The following LRRTM3 variants were observed in gnomAD, a reference collection of about 807,000 sequenced individuals.
The protein encoded by LRRTM3 is leucine-rich repeat transmembrane neuronal protein 3.
LRRTM3 carries 24 observed loss-of-function variants against 44.7 expected under a neutral mutation model. That is an observed-to-expected ratio of 0.54 (90% CI 0.39 to 0.76). The LOEUF is 0.76. LRRTM3 is among the 30% of genes least tolerant of loss of function. The pLI is 0.00. For synonymous variants in LRRTM3, 277 were observed against 278.7 expected, an observed-to-expected ratio of 0.99 and a Z score of 0.06; for missense variants, 587 against 702.2, an observed-to-expected ratio of 0.84 and a Z score of 1.85.
chr10:66,955,132 T>C (rs1431278831), intron 2 of LRRTM3, among the ~76,000 whole-genome samples: 1 of 152,158 alleles, frequency 6.6e-6, no homozygotes, highest in Non-Finnish European at 1.5e-5. Context: ...CAGAAACTTT[T>C]CCTAGGTGCC....
chr10:67,040,888 A>G (rs1036370987), intron 2 of LRRTM3, among the ~76,000 whole-genome samples: 7 of 152,172 alleles, frequency 4.6e-5, no homozygotes, highest in Non-Finnish European at 8.8e-5. Flanking sequence ...CCAAAGAGAC[A>G]AAGATAAAAA....
At chr10:66,977,532 C>A (rs1850119748) in intron 2 of LRRTM3, among the ~76,000 whole-genome samples, 1 of 152,124 alleles carries the variant, frequency 6.6e-6, no homozygotes, top group South Asian at 2.1e-4. Flanking sequence ...CTGTTAAGAG[C>A]TCACAGAAGG....
At chr10:66,973,825 T>C (rs1399504922) in intron 2 of LRRTM3, among the ~76,000 whole-genome samples, 1 of 152,146 alleles carries the variant, frequency 6.6e-6, no homozygotes, top group South Asian at 2.1e-4. Context: ...GGTTTCACCA[T>C]GTTGGCCAGG....
At chr10:66,957,995 G>A (rs1848911012) in intron 2 of LRRTM3, among the ~76,000 whole-genome samples, 3 of 151,996 alleles carry the variant, frequency 2.0e-5, no homozygotes, top group Non-Finnish European at 4.4e-5. Flanking sequence ...GTGGCCTGGA[G>A]CAGGGTACAG....
chr10:67,017,625 T>C (rs141801908), intron 2 of LRRTM3, among the ~76,000 whole-genome samples: 12 of 152,330 alleles, frequency 7.9e-5, no homozygotes, highest in African/African-American at 2.9e-4. Context: ...GCCATAGTTC[T>C]AATGTTTGGA....
chr10:67,100,607 C>T lies in LRRTM3; in HGVS notation c.*2811C>T, dbSNP rs915463633. Among the ~76,000 whole-genome samples the T allele has an allele frequency of 6.6e-6, 1 of 151,584 alleles. No individual in the cohort carries two copies. Among genetic ancestry groups the T allele is most frequent in the Non-Finnish European group, 1.5e-5 (1 of 67,784 alleles). On this transcript the variant is annotated 3_prime_UTR_variant, in exon 3 of 3. Transcript: ENST00000361320. ...GTCTCCCTTCCTGTCTATTCCTCAC[C>T]GATTTAAACAACTGAAATGTTTACT...
intron 2 of LRRTM3, among the ~76,000 whole-genome samples, chr10:67,020,415 C>T (rs1261546810): frequency 4.6e-5 from 7 of 152,122 alleles, no homozygotes; most frequent in Admixed American, 1.3e-4. Context: ...GAATGGATGG[C>T]AGCAGGGATA....
At chr10:66,938,630 A>G (rs1847844589) in intron 2 of LRRTM3, among the ~76,000 whole-genome samples, 1 of 152,098 alleles carries the variant, frequency 6.6e-6, no homozygotes, top group Non-Finnish European at 1.5e-5. Flanking sequence ...GTGTGAGTAG[A>G]CTCATGCAGC....
chr10:66,961,607 A>C (rs987922994), intron 2 of LRRTM3, among the ~76,000 whole-genome samples: 1 of 152,070 alleles, frequency 6.6e-6, no homozygotes, highest in Non-Finnish European at 1.5e-5. Context: ...TAGTGATTTC[A>C]TCAATACTAC....
In LRRTM3 at chr10:66,992,553, A is replaced by G. The variant is rs78927571; in HGVS notation, c.1536+64101A>G. Among the ~76,000 whole-genome samples the G allele has an allele frequency of 6.2e-3, 947 of 152,042 alleles. 8 individuals carry two copies. Among genetic ancestry groups the G allele is most frequent in the African/African-American group, 0.022 (904 of 41,464 alleles). On this transcript the variant is annotated intron_variant, in intron 2 of 2. Transcript: ENST00000361320. ...TGTCCTTTACTTTTTTTTTAATGGCAACAGAAATTTAAATTCTAATGAATA... is the reference window on the plus strand; with the variant it reads ...TGTCCTTTACTTTTTTTTTAATGGCGACAGAAATTTAAATTCTAATGAATA...
chr10:66,999,573 C>A (rs560401305), intron 2 of LRRTM3, among the ~76,000 whole-genome samples: 1 of 151,834 alleles, frequency 6.6e-6, no homozygotes, highest in East Asian at 2.0e-4. Flanking sequence ...GCATGCATCC[C>A]TTTTAGGTCA....
intron 2 of LRRTM3, among the ~76,000 whole-genome samples, chr10:66,932,040 C>T (rs1175213820): frequency 2.6e-5 from 4 of 152,180 alleles, no homozygotes; most frequent in Admixed American, 1.3e-4. Flanking sequence ...GCCTCCCCTT[C>T]CGGCTTTAGA....
At chr10:66,964,402 T>C (rs925678465) in intron 2 of LRRTM3, among the ~76,000 whole-genome samples, 1 of 152,056 alleles carries the variant, frequency 6.6e-6, no homozygotes, top group Non-Finnish European at 1.5e-5. Context: ...ATTACATACA[T>C]TTTTAAACTG....
chr10:67,061,782 A>C (rs1855769433), intron 2 of LRRTM3, among the ~76,000 whole-genome samples: 3 of 152,180 alleles, frequency 2.0e-5, no homozygotes, highest in Non-Finnish European at 4.4e-5. Context: ...ATCCTTAATA[A>C]GAAAGGACAG....
chr10:67,076,837 T>G (rs969403270), intron 2 of LRRTM3, among the ~76,000 whole-genome samples: 4 of 152,120 alleles, frequency 2.6e-5, no homozygotes, highest in African/African-American at 9.7e-5. Context: ...AATTGACATA[T>G]CCTCTGTTTT....
At chr10:66,942,750 T>A (rs1461261142) in intron 2 of LRRTM3, among the ~76,000 whole-genome samples, 1 of 152,164 alleles carries the variant, frequency 6.6e-6, no homozygotes, top group Non-Finnish European at 1.5e-5. Context: ...GTTATTACAG[T>A]AAACCAAAAT....
At chr10:66,982,403 T>C (rs865823083) in intron 2 of LRRTM3, among the ~76,000 whole-genome samples, 7 of 152,254 alleles carry the variant, frequency 4.6e-5, no homozygotes, top group East Asian at 1.9e-4. Context: ...TAAATCTCAG[T>C]TTTTTCACCT....
intron 2 of LRRTM3, among the ~76,000 whole-genome samples, chr10:67,070,338 A>C (rs1313570754): frequency 1.3e-5 from 2 of 151,770 alleles, no homozygotes; most frequent in Non-Finnish European, 2.9e-5. Flanking sequence ...ATCTTCTCCC[A>C]CTCTGTGACT....
rs137929060 is a variant in LRRTM3 at position 67,088,156 on chromosome 10, T to G, written c.1537-9431T>G. Among the ~76,000 whole-genome samples, 1,057 of 151,500 alleles carry G rather than the reference T, an allele frequency of 7.0e-3. 14 individuals are homozygous for G. Among genetic ancestry groups the G allele is most frequent in the African/African-American group, 0.024 (1,013 of 41,408 alleles). ...TGCCAAATGGGGAGATAAGAAATGC[T>G]TTTCCTACATGGAATCCTCTGTCTT... On this transcript the variant is annotated intron_variant, in intron 2 of 2. Coordinates refer to ENST00000361320, the MANE Select transcript of LRRTM3 (RefSeq NM_178011.5).
Sources: gnomAD v4.1 joint callset for allele counts (sites outside exome capture counted in the v4.1 genomes callset) on GRCh38, gnomAD v4.1.1 for gene constraint, MANE v1.5 for transcripts, NCBI Gene and HGNC (gene_info 2026-07-23, HGNC 2026-07-21) for gene names.